Variants in HAPLN1 observed in about 807,000 individuals in gnomAD.
HAPLN1 encodes the protein Cartilage link protein.
Under a neutral mutation model 36.5 loss-of-function variants are expected in HAPLN1, and 13 were observed. That is an observed-to-expected ratio of 0.36 (90% CI 0.23 to 0.57). HAPLN1 has a LOEUF of 0.57. Ranked by LOEUF, HAPLN1 falls within the 20% of genes least tolerant of loss-of-function variation. The pLI is 0.83. For missense variants in HAPLN1, 407 were observed against 439.7 expected (o/e 0.93, Z 0.66); for synonymous variants, 202 against 169.8 (o/e 1.19, Z -1.48).
Position 83,671,089 on chromosome 5 carries a change from C to T in HAPLN1, c.100+2335G>A, listed in dbSNP as rs990673723. ...CCACAACAAAATTATGAGGAGGCTT[C>T]AGAAAAACAATTAGCTAACCCATAC... On this transcript the variant is annotated intron_variant, in intron 2 of 4. Transcript: ENST00000274341. Among the ~76,000 whole-genome samples, 8 of 152,134 alleles carry T rather than the reference C, an allele frequency of 5.3e-5. No individual in the cohort carries two copies. The South Asian group carries it at 1.7e-3, about 32-fold the overall frequency.
At chr5:83,718,720 A>T (rs1751964362) in intron 1 of HAPLN1, among the ~76,000 whole-genome samples, 1 of 152,218 alleles carries the variant, frequency 6.6e-6, no homozygotes, top group African/African-American at 2.4e-5. Flanking sequence ...GCACTATCAA[A>T]ATTATTTTCA....
intron 1 of HAPLN1, among the ~76,000 whole-genome samples, chr5:83,695,079 T>C (rs1164315340): frequency 1.3e-5 from 2 of 152,152 alleles, no homozygotes; most frequent in Non-Finnish European, 2.9e-5. Flanking sequence ...ATGGGGTTTA[T>C]CCCAGAAATT....
chr5:83,676,226 G>A (rs181599451), intron 1 of HAPLN1, among the ~76,000 whole-genome samples: 83 of 115,142 alleles, frequency 7.2e-4, no homozygotes, highest in Middle Eastern at 4.1e-3. Flanking sequence ...ACAGAGATAC[G>A]CACACATACA....
intron 2 of HAPLN1, among the ~76,000 whole-genome samples, chr5:83,653,374 A>T (rs1357535903): frequency 6.6e-6 from 1 of 152,196 alleles, no homozygotes; most frequent in Non-Finnish European, 1.5e-5. Context: ...TATGGCTTCT[A>T]GTCAAATATA....
chr5:83,682,954 T>A (rs1319545060), intron 1 of HAPLN1, among the ~76,000 whole-genome samples: 1 of 152,172 alleles, frequency 6.6e-6, no homozygotes, highest in Non-Finnish European at 1.5e-5. Context: ...TTTAATCAAC[T>A]TTCTTTATAG....
At chr5:83,703,448 G>A (rs1291807394) in intron 1 of HAPLN1, 1 of 151,816 alleles carries the variant, frequency 6.6e-6, no homozygotes, top group Non-Finnish European at 1.5e-5. Context: ...TCTAATTTCT[G>A]TGCTTGCTTG....
At chr5:83,718,365 G>A (rs1186295389) in intron 1 of HAPLN1, among the ~76,000 whole-genome samples, 2 of 152,108 alleles carry the variant, frequency 1.3e-5, no homozygotes, top group African/African-American at 4.8e-5. Context: ...TAAGAAGCCG[G>A]TGAGAAAGCC....
Position 83,641,497 on chromosome 5 carries a change from C to A in HAPLN1, c.1064G>T (p.Ter355LeuextTer4). 2 of 1,592,690 alleles carry A rather than the reference C, an allele frequency of 1.3e-6. No individual in the cohort carries two copies. The highest frequency in any genetic ancestry group is 2.2e-5 in the South Asian group (2 of 89,466). ...YGVYCFRAYN[*>L] is the part of the protein sequence containing the mutation. Reference sequence around the variant, plus strand: ...AACTGATGCGCTCTAAGGGCACATTCAGTTGTATGCTCTGAAGCAGTAGAC... The same window carrying A: ...AACTGATGCGCTCTAAGGGCACATTAAGTTGTATGCTCTGAAGCAGTAGAC... Residue 355 changes from the stop codon to leucine (L), a stop_lost, in exon 5 of 5, where the codon TGA becomes TTA. Transcript: ENST00000274341.
At chr5:83,702,054 C>T (rs1751521573) in intron 1 of HAPLN1, among the ~76,000 whole-genome samples, 1 of 151,714 alleles carries the variant, frequency 6.6e-6, no homozygotes, top group African/African-American at 2.4e-5. Flanking sequence ...GCAAGGTTAC[C>T]GGGAGGAAGT....
At chr5:83,649,568 C>G (rs538057924) in intron 3 of HAPLN1, among the ~76,000 whole-genome samples, 2 of 152,304 alleles carry the variant, frequency 1.3e-5, no homozygotes, top group African/African-American at 4.8e-5. Context: ...CCTGCCTCAG[C>G]CTCCAGAGTA....
intron 2 of HAPLN1, among the ~76,000 whole-genome samples, chr5:83,663,861 G>A (rs1292840361): frequency 1.5e-5 from 2 of 134,366 alleles, no homozygotes; most frequent in East Asian, 2.2e-4. Flanking sequence ...CTACCATCCT[G>A]GTCCCTGCCA....
intron 3 of HAPLN1, among the ~76,000 whole-genome samples, chr5:83,646,203 T>G (rs1456764630): frequency 6.6e-6 from 1 of 152,242 alleles, no homozygotes; most frequent in Non-Finnish European, 1.5e-5. Context: ...TGTCAAAGTA[T>G]TTCTCCCATG....
At chr5:83,684,454 G>T (rs1751075121) in intron 1 of HAPLN1, among the ~76,000 whole-genome samples, 1 of 152,102 alleles carries the variant, frequency 6.6e-6, no homozygotes, top group Admixed American at 6.5e-5. Context: ...TCGGAATGGT[G>T]CCCACTAAAA....
rs1749674675 is a variant in HAPLN1 at position 83,641,074 on chromosome 5, G to GTGTTGCTCTAATT, written c.*409_*421dup. 1 of 152,512 alleles carries GTGTTGCTCTAATT rather than the reference G, an allele frequency of 6.6e-6. No homozygotes were observed. The highest frequency in any genetic ancestry group is 1.9e-4 in the East Asian group (1 of 5,198). 9.4% of individuals were successfully genotyped at this position (152,512 alleles called of 1,614,324 possible). A position where few individuals can be genotyped will look rare whatever the true frequency, so the allele number is the denominator to read the frequency against. ...ATGTAAAGAAGCCTGTATTTCAAAT[G>GTGTTGCTCTAATT]TGTTGCTCTAATTTGTTTATTGTAG... On this transcript the variant is annotated 3_prime_UTR_variant, in exon 5 of 5. Transcript: ENST00000274341.
chr5:83,644,352 T>A lies in HAPLN1; in HGVS notation c.775+11A>T, dbSNP rs761087176. On this transcript the variant is annotated intron_variant, in intron 4 of 4. Transcript: ENST00000274341. ...GAGATAGGAAAGAAGGCAGTACAGTTATTATCTTACCATTGAAATTGGATG... is the reference window on the plus strand; with the variant it reads ...GAGATAGGAAAGAAGGCAGTACAGTAATTATCTTACCATTGAAATTGGATG... 1 of 1,539,448 alleles carries A rather than the reference T, an allele frequency of 6.5e-7. No individual in the cohort carries two copies. Among genetic ancestry groups the A allele is most frequent in the Non-Finnish European group, 8.8e-7 (1 of 1,141,058 alleles).
At chr5:83,716,551 T>C (rs889026221) in intron 1 of HAPLN1, among the ~76,000 whole-genome samples, 2 of 152,214 alleles carry the variant, frequency 1.3e-5, no homozygotes, top group African/African-American at 4.8e-5. Context: ...CTAAAAACTC[T>C]TAATAACAGC....
chr5:83,673,282 G>A (rs1270421238), intron 2 of HAPLN1, 142 bp downstream of exon 2: 3 of 596,310 alleles, frequency 5.0e-6, no homozygotes, highest in Middle Eastern at 3.6e-4. Context: ...TTAAAAGCCA[G>A]GGAACACGTT....
At chr5:83,677,623 A>C (rs1476564912) in intron 1 of HAPLN1, among the ~76,000 whole-genome samples, 1 of 152,174 alleles carries the variant, frequency 6.6e-6, no homozygotes, top group Non-Finnish European at 1.5e-5. Flanking sequence ...CATAGACCAG[A>C]AGGAAGAAAA....
At chr5:83,679,177 T>G (rs750252412) in intron 1 of HAPLN1, among the ~76,000 whole-genome samples, 3 of 152,200 alleles carry the variant, frequency 2.0e-5, no homozygotes, top group Non-Finnish European at 4.4e-5. Context: ...ACATACAAAC[T>G]GCTTAGATTT....
Sources: allele counts gnomAD v4.1 joint callset (sites outside exome capture counted in the v4.1 genomes callset), GRCh38; gene constraint gnomAD v4.1.1; transcripts MANE v1.5; gene names NCBI Gene and HGNC (gene_info 2026-07-23, HGNC 2026-07-21).